CNTN4: variants seen among roughly 807,000 people sequenced by gnomAD.
The protein encoded by CNTN4 is contactin 4.
In CNTN4, 77 loss-of-function variants were observed where a neutral mutation model predicts 122.5. The observed-to-expected ratio is 0.63, with a 90% confidence interval of 0.52 to 0.76. The LOEUF is 0.76. CNTN4 is among the 30% of genes least tolerant of loss of function. The pLI, the probability that CNTN4 is intolerant of heterozygous loss-of-function variation, is 0.00. For missense variants in CNTN4, 1,256 were observed against 1,259.1 expected, an observed-to-expected ratio of 1.00 and a Z score of 0.04; for synonymous variants, 512 against 447.0, an observed-to-expected ratio of 1.15 and a Z score of -1.83.
chr3:2,710,650 T>C (rs1375495353), intron 4 of CNTN4, among the ~76,000 whole-genome samples: 4 of 152,218 alleles, frequency 2.6e-5, no homozygotes, highest in Non-Finnish European at 1.5e-5. Flanking sequence ...ATTTTATTTT[T>C]CTGGCCACCC....
At chr3:2,488,214 A>T (rs1396485027) in intron 3 of CNTN4, among the ~76,000 whole-genome samples, 1 of 152,346 alleles carries the variant, frequency 6.6e-6, no homozygotes, top group East Asian at 1.9e-4. Flanking sequence ...ATCAAAGTTC[A>T]TGTTTGCTAG....
chr3:2,404,879 T>C (rs1300948393), intron 3 of CNTN4, among the ~76,000 whole-genome samples: 5 of 152,152 alleles, frequency 3.3e-5, no homozygotes, highest in Non-Finnish European at 5.9e-5. Context: ...TTTCAACTTA[T>C]GTTATTCTTA....
chr3:2,935,414 T>A (rs12054419), intron 13 of CNTN4, among the ~76,000 whole-genome samples: 84,212 of 152,006 alleles, frequency 0.55, 23,656 homozygotes, highest in Middle Eastern at 0.71. Context: ...ACTCCCCTGG[T>A]TTTCAGGCCT....
intron 2 of CNTN4, among the ~76,000 whole-genome samples, chr3:2,337,940 GAT>G (rs1559465780): frequency 6.6e-6 from 1 of 152,022 alleles, no homozygotes; most frequent in Non-Finnish European, 1.5e-5. Flanking sequence ...ATGTAAGAAA[GAT>G]AGGTGTTTAG....
intron 6 of CNTN4, among the ~76,000 whole-genome samples, chr3:2,783,095 A>G (rs1358446381): frequency 6.6e-6 from 1 of 151,830 alleles, no homozygotes; most frequent in Admixed American, 6.6e-5. Context: ...CCTGGGCAAC[A>G]CAGTGAGATT....
rs1187349822 is a variant in CNTN4 at position 3,014,877 on chromosome 3, TG to T, written c.1487-11223del. On this transcript the variant is annotated intron_variant, in intron 14 of 24. Coordinates refer to ENST00000418658, the MANE Select transcript of CNTN4 (RefSeq NM_175607.3). ...GCTTTATACTTGCGTGACCCTCGATTGGTTTTTTTTTTTTTTTTTTCTCTTT... is the reference window on the plus strand; with the variant it reads ...GCTTTATACTTGCGTGACCCTCGATTGTTTTTTTTTTTTTTTTTTCTCTTT... 2.2e-4 allele frequency among the ~76,000 whole-genome samples: 17 copies of T among 78,960 alleles called. No homozygotes were observed. In the South Asian group the frequency reaches 2.5e-3, roughly 11 times the overall value. The allele number at this position is 78,960 out of a possible 152,430, so 51.8% of individuals were successfully genotyped here. A position where few individuals can be genotyped will look rare whatever the true frequency, so the allele number is the denominator to read the frequency against.
Position 3,052,993 on chromosome 3 carries a change from C to T in CNTN4, c.2812-814C>T, listed in dbSNP as rs1701415695. On this transcript the variant is annotated intron_variant, in intron 23 of 24. Coordinates refer to ENST00000418658, the MANE Select transcript of CNTN4 (RefSeq NM_175607.3). ...CAGAGATACTATTTCTTACATGCTT[C>T]CTCTAAGCTAGGCCATCACCAGATT... is the stretch of plus-strand genomic sequence containing the variant. 3.9e-5 allele frequency among the ~76,000 whole-genome samples: 6 copies of T among 152,304 alleles called. No individual in the cohort carries two copies. The South Asian group carries it at 1.2e-3, about 32-fold the overall frequency.
At chr3:2,787,034 T>C (rs1264382165) in intron 6 of CNTN4, among the ~76,000 whole-genome samples, 1 of 152,200 alleles carries the variant, frequency 6.6e-6, no homozygotes, top group African/African-American at 2.4e-5. Flanking sequence ...GCTATGAACA[T>C]ACAGTTTGAT....
chr3:2,138,330 A>C (rs2125319227), intron 2 of CNTN4, among the ~76,000 whole-genome samples: 1 of 152,258 alleles, frequency 6.6e-6, no homozygotes, highest in South Asian at 2.1e-4. Flanking sequence ...GGCCTCCCAA[A>C]GTGCCGGGAT....
At chr3:2,235,167 T>G (rs1421628195) in intron 2 of CNTN4, among the ~76,000 whole-genome samples, 1 of 152,238 alleles carries the variant, frequency 6.6e-6, no homozygotes, top group Non-Finnish European at 1.5e-5. Flanking sequence ...TCTATTTGTC[T>G]TTTGACTACA....
chr3:2,563,048 A>G (rs1033654019), intron 3 of CNTN4, among the ~76,000 whole-genome samples: 1 of 152,118 alleles, frequency 6.6e-6, no homozygotes. Flanking sequence ...TTCTCTGGGT[A>G]TATACCCAGT....
chr3:3,020,859 A>G (rs373903743), intron 14 of CNTN4, among the ~76,000 whole-genome samples: 2 of 152,138 alleles, frequency 1.3e-5, no homozygotes, highest in Non-Finnish European at 2.9e-5. Context: ...GCTGCTATGG[A>G]ATTATTAGAT....
intron 3 of CNTN4, among the ~76,000 whole-genome samples, chr3:2,494,300 T>C (rs1251409449): frequency 6.6e-6 from 1 of 152,190 alleles, no homozygotes. Context: ...AATCAATACA[T>C]GTAAGGTATA....
intron 7 of CNTN4, among the ~76,000 whole-genome samples, chr3:2,839,911 T>G (rs1356648046): frequency 6.6e-6 from 1 of 152,176 alleles, no homozygotes; most frequent in African/African-American, 2.4e-5. Flanking sequence ...TTAAAATTTT[T>G]TTTCTCTATT....
chr3:2,882,927 GGCAAATGGT>G, intron 8 of CNTN4: 1 of 485,430 alleles, frequency 2.1e-6, no homozygotes, highest in Non-Finnish European at 3.8e-6. Context: ...ATTTAATCCA[GGCAAATGGT>G]GTGGTTCTGC....
At chr3:3,043,787 A>G (rs2125801678) in intron 23 of CNTN4, 83 bp downstream of exon 23, 3 of 899,518 alleles carry the variant, frequency 3.3e-6, no homozygotes, top group South Asian at 2.7e-5. Context: ...AGTTGTCTGC[A>G]TTGTCAGTTT....
At chr3:2,366,792 A>G (rs1391587098) in intron 3 of CNTN4, among the ~76,000 whole-genome samples, 1 of 151,634 alleles carries the variant, frequency 6.6e-6, no homozygotes, top group Non-Finnish European at 1.5e-5. Context: ...GTGGAAAAAA[A>G]TCTACCAAAC....
intron 3 of CNTN4, among the ~76,000 whole-genome samples, chr3:2,553,266 C>T (rs1375061731): frequency 2.0e-5 from 3 of 152,138 alleles, no homozygotes; most frequent in Admixed American, 2.0e-4. Flanking sequence ...GAATGGTGGA[C>T]TGGGTTTGTA....
In CNTN4 at chr3:2,603,374, G is replaced by A. The variant is rs115715075; in HGVS notation, c.55+31816G>A. Among the ~76,000 whole-genome samples the A allele has an allele frequency of 9.0e-3, 1,372 of 152,276 alleles. 10 individuals are homozygous for A. The highest frequency in any genetic ancestry group is 0.031 in the African/African-American group (1,291 of 41,564). On this transcript the variant is annotated intron_variant, in intron 4 of 24. Transcript: ENST00000418658. Reference sequence around the variant, plus strand: ...GTGGGAAAATCATTAGAAATTGTCAGTCTCTTGTAACATTATGGAAGTCCT... The same window carrying A: ...GTGGGAAAATCATTAGAAATTGTCAATCTCTTGTAACATTATGGAAGTCCT...
Sources: allele counts gnomAD v4.1 joint callset (sites outside exome capture counted in the v4.1 genomes callset), GRCh38; gene constraint gnomAD v4.1.1; transcripts MANE v1.5; gene names NCBI Gene and HGNC (gene_info 2026-07-23, HGNC 2026-07-21).